The following G3BP1 variants were observed in gnomAD, a reference collection of about 807,000 sequenced individuals.
G3BP1 encodes G3BP stress granule assembly factor 1, also known as ras GTPase-activating protein-binding protein 1.
Under a neutral mutation model 58.6 loss-of-function variants are expected in G3BP1, and 35 were observed. The ratio of observed to expected loss-of-function variants is 0.60; its 90% CI spans 0.46 to 0.79. The LOEUF (loss-of-function observed/expected upper bound fraction) is 0.79, where lower values mean the gene tolerates loss of function less well. G3BP1 is among the 30% of genes least tolerant of loss of function. The probability of loss-of-function intolerance (pLI) is 0.00; values close to 1 mark genes in which losing one functional copy is unlikely to be tolerated. For synonymous variants in G3BP1, 191 were observed against 195.4 expected (o/e 0.98, Z 0.19); for missense variants, 523 against 580.8 (o/e 0.90, Z 1.02).
Position 151,772,012 on chromosome 5 carries a change from G to C in G3BP1, c.-74G>C, listed in dbSNP as rs139709043. The C allele has an allele frequency of 3.9e-5, 6 of 152,686 alleles. No individual in the cohort carries two copies. Among genetic ancestry groups the C allele is most frequent in the Admixed American group, 3.9e-4 (6 of 15,298 alleles). The allele number at this position is 152,686 out of a possible 1,614,324, so 9.5% of individuals were successfully genotyped here. A position where few individuals can be genotyped will look rare whatever the true frequency, so the allele number is the denominator to read the frequency against. ...TCCTCGGTGCTGTGGTGCAGAGCTA[G>C]TTCCTCTCCAGCTCAGCCGCGTAGG... On this transcript the variant is annotated 5_prime_UTR_variant, in exon 1 of 12. Coordinates refer to ENST00000356245, the MANE Select transcript of G3BP1 (RefSeq NM_005754.3).
intron 7 of G3BP1, 40 bp downstream of exon 7, chr5:151,797,468 T>C (rs763408429): frequency 2.0e-6 from 3 of 1,535,638 alleles, no homozygotes; most frequent in East Asian, 2.3e-5. Flanking sequence ...TTCCTAGTTA[T>C]TTTTTTTAAA....
At position 151,794,212 on chromosome 5, in the gene G3BP1, TG is replaced by T; in HGVS notation, c.406del (p.Glu136ArgfsTer18). 6.2e-7 allele frequency: 1 copy of T among 1,610,598 alleles called. No homozygotes were observed. The highest frequency in any genetic ancestry group is 8.5e-7 in the Non-Finnish European group (1 of 1,176,864). On this transcript the variant is annotated frameshift_variant, in exon 5 of 12. Transcript: ENST00000356245. LOFTEE classifies it high-confidence loss of function. ...ACAATGATATCTTCAGATACCAAGA[TG>T]AGGTCTTTGGTGGGTTTGTCACTGA... is the stretch of plus-strand genomic sequence containing the variant. The part of the protein sequence containing the change: ...VHNDIFRYQD[E>X]VFGGFVTEPQ...
intron 2 of G3BP1, among the ~76,000 whole-genome samples, chr5:151,788,081 G>A (rs1435832349): frequency 2.6e-5 from 4 of 151,700 alleles, no homozygotes; most frequent in East Asian, 1.9e-4. Context: ...AATCCACCAC[G>A]CCCAGCTAAT....
In G3BP1 at chr5:151,794,116, A is replaced by C. The variant is rs764084003; in HGVS notation, c.352-43A>C. Reference sequence around the variant, plus strand: ...ATGGTGTAGAGTGATTTGACTTTCTAAAAGTCTGTTGAATAAATTAAAACT... The same window carrying C: ...ATGGTGTAGAGTGATTTGACTTTCTCAAAGTCTGTTGAATAAATTAAAACT... On this transcript the variant is annotated intron_variant, in intron 4 of 11. Transcript: ENST00000356245. 5.0e-6 allele frequency: 6 copies of C among 1,208,200 alleles called. No homozygotes were observed. The Admixed American group carries it at 8.4e-5, about 17-fold the overall frequency. The allele number at this position is 1,208,200 out of a possible 1,614,324, so 74.8% of individuals were successfully genotyped here.
intron 2 of G3BP1, among the ~76,000 whole-genome samples, chr5:151,788,458 G>A (rs1166118623): frequency 1.3e-5 from 2 of 151,626 alleles, no homozygotes; most frequent in African/African-American, 2.4e-5. Flanking sequence ...GAGTGCAGTG[G>A]TGAGATCATA....
intron 4 of G3BP1, chr5:151,792,286 A>G (rs140457058): frequency 4.2e-4 from 99 of 233,838 alleles, no homozygotes; most frequent in Non-Finnish European, 6.8e-4. Flanking sequence ...CTCTAGCATT[A>G]ATCTTAAGTT....
chr5:151,803,576 T>C (rs1037689151), intron 11 of G3BP1, among the ~76,000 whole-genome samples: 1 of 152,074 alleles, frequency 6.6e-6, no homozygotes, highest in African/African-American at 2.4e-5. Context: ...CACTGCAACC[T>C]CCGCCTCCTG....
chr5:151,812,672 C>A lies in G3BP1; in HGVS notation c.*8581C>A, dbSNP rs1763033098. 1 of 152,198 alleles carries A rather than the reference C, an allele frequency of 6.6e-6. No homozygotes were observed. The highest frequency in any genetic ancestry group is 1.5e-5 in the Non-Finnish European group (1 of 68,030). The allele number at this position is 152,198 out of a possible 1,614,324, so 9.4% of individuals were successfully genotyped here. A position where few individuals can be genotyped will look rare whatever the true frequency, so the allele number is the denominator to read the frequency against. ...TTAAGTTAGTCAATGAATCCTGAGT[C>A]AAAATGAAAGGTTGCTAAATCTAAG... On this transcript the variant is annotated 3_prime_UTR_variant, in exon 12 of 12. Coordinates refer to ENST00000356245, the MANE Select transcript of G3BP1 (RefSeq NM_005754.3).
chr5:151,806,646 G>A lies in G3BP1; in HGVS notation c.*2555G>A, dbSNP rs1762941940. 1 of 152,156 alleles carries A rather than the reference G, an allele frequency of 6.6e-6. No individual in the cohort carries two copies. 9.4% of individuals were successfully genotyped at this position (152,156 alleles called of 1,614,324 possible). A position where few individuals can be genotyped will look rare whatever the true frequency, so the allele number is the denominator to read the frequency against. ...TTCCACTGCTGGAAAATCATTATAA[G>A]TTAGGGCAACATTTTCTATAGGTGG... On this transcript the variant is annotated 3_prime_UTR_variant, in exon 12 of 12. Coordinates refer to ENST00000356245, the MANE Select transcript of G3BP1 (RefSeq NM_005754.3).
rs1241526139 is a variant in G3BP1 at position 151,804,173 on chromosome 5, G to A, written c.*82G>A. 4 of 993,356 alleles carry A rather than the reference G, an allele frequency of 4.0e-6. No homozygotes were observed. Among genetic ancestry groups the A allele is most frequent in the Non-Finnish European group, 6.1e-6 (4 of 656,372 alleles). 61.5% of individuals were successfully genotyped at this position (993,356 alleles called of 1,614,324 possible). Reference sequence around the variant, plus strand: ...TTTCGACAGCCTTTGGTATCTTGGAGTATGACCCCAGTCTGTTATAAACTG... The same window carrying A: ...TTTCGACAGCCTTTGGTATCTTGGAATATGACCCCAGTCTGTTATAAACTG... On this transcript the variant is annotated 3_prime_UTR_variant, in exon 12 of 12. Coordinates refer to ENST00000356245, the MANE Select transcript of G3BP1 (RefSeq NM_005754.3).
intron 1 of G3BP1, among the ~76,000 whole-genome samples, chr5:151,782,922 A>T (rs1015360059): frequency 1.2e-4 from 15 of 124,176 alleles, no homozygotes; most frequent in African/African-American, 4.7e-4. Flanking sequence ...CAGTGGCGTG[A>T]TCTCGGCTCA....
chr5:151,773,446 GTTTA>G (rs1762312780), intron 1 of G3BP1, among the ~76,000 whole-genome samples: 1 of 152,156 alleles, frequency 6.6e-6, no homozygotes, highest in African/African-American at 2.4e-5. Context: ...TGTACACTCC[GTTTA>G]TTTAGCATTT....
intron 2 of G3BP1, chr5:151,787,749 C>T (rs1188234666): frequency 3.4e-6 from 1 of 291,020 alleles, no homozygotes; most frequent in Non-Finnish European, 7.0e-6. Flanking sequence ...TATTTTTTCC[C>T]TTACACCTTG....
chr5:151,776,775 C>T (rs555716645), intron 1 of G3BP1, among the ~76,000 whole-genome samples: 1 of 151,814 alleles, frequency 6.6e-6, no homozygotes, highest in Non-Finnish European at 1.5e-5. Flanking sequence ...AAAATATCGT[C>T]CAGGCTGTCT....
chr5:151,800,150 A>C, intron 9 of G3BP1, 68 bp from the exon 10 acceptor site: 1 of 1,466,658 alleles, frequency 6.8e-7, no homozygotes, highest in South Asian at 1.2e-5. Context: ...AAACTATTGA[A>C]TGTGAGCAGT....
intron 2 of G3BP1, among the ~76,000 whole-genome samples, chr5:151,789,302 G>C (rs1762606533): frequency 6.6e-6 from 1 of 152,070 alleles, no homozygotes. Context: ...AAAAAAGGCG[G>C]AGGTTGCAGT....
chr5:151,794,664 C>G (rs1229910520), intron 5 of G3BP1, among the ~76,000 whole-genome samples: 1 of 152,192 alleles, frequency 6.6e-6, no homozygotes, highest in Non-Finnish European at 1.5e-5. Context: ...GAGGGAGATA[C>G]TCTTTCAAAG....
At position 151,799,252 on chromosome 5, in the gene G3BP1, C is replaced by G; in HGVS notation, c.782C>G (p.Pro261Arg). 1 of 1,604,766 alleles carries G rather than the reference C, an allele frequency of 6.2e-7. No individual in the cohort carries two copies. Among genetic ancestry groups the G allele is most frequent in the Non-Finnish European group, 8.5e-7 (1 of 1,171,442 alleles). The change falls in exon 8 of 12, where the codon CCC becomes CGC. Residue 261 changes from proline (P) to arginine (R), a missense_variant. Pro to Arg is a moderately radical substitution (Grantham distance 103). Coordinates refer to ENST00000356245, the MANE Select transcript of G3BP1 (RefSeq NM_005754.3). ...WASVTSKNLP[P>R]SGAVPVTGIP... Reference sequence around the variant, plus strand: ...TCTGTGACCAGTAAGAATCTTCCACCCAGTGGAGCTGTTCCAGTTACTGGG... The same window carrying G: ...TCTGTGACCAGTAAGAATCTTCCACGCAGTGGAGCTGTTCCAGTTACTGGG...
In G3BP1 at chr5:151,812,728, T is replaced by G. The variant is rs1763034352; in HGVS notation, c.*8637T>G. On this transcript the variant is annotated 3_prime_UTR_variant, in exon 12 of 12. Transcript: ENST00000356245. ...GTGTATAAATAAAATAACCCCTTCC[T>G]CCAGTGACTGTGCATTTATTTTGTA... The G allele has an allele frequency of 6.6e-6, 1 of 152,212 alleles. No homozygotes were observed. Among genetic ancestry groups the G allele is most frequent in the African/African-American group, 2.4e-5 (1 of 41,464 alleles). The allele number at this position is 152,212 out of a possible 1,614,324, so 9.4% of individuals were successfully genotyped here. A position where few individuals can be genotyped will look rare whatever the true frequency, so the allele number is the denominator to read the frequency against.
Sources: allele counts gnomAD v4.1 joint callset (sites outside exome capture counted in the v4.1 genomes callset), GRCh38; gene constraint gnomAD v4.1.1; transcripts MANE v1.5; gene names NCBI Gene and HGNC (gene_info 2026-07-23, HGNC 2026-07-21).